Variants in EGFR observed in about 807,000 individuals in gnomAD.
EGFR encodes avian erythroblastic leukemia viral (v-erb-b) oncogene homolog.
A neutral mutation model predicts 143.0 loss-of-function variants in EGFR; 58 were observed. That is an observed-to-expected ratio of 0.41 (90% confidence interval 0.33 to 0.50). EGFR has a LOEUF of 0.50. Ranked by LOEUF, EGFR falls within the 20% of genes least tolerant of loss-of-function variation. The pLI, the probability that EGFR is intolerant of heterozygous loss-of-function variation, is 0.39. For synonymous variants in EGFR, 613 were observed against 594.4 expected, an observed-to-expected ratio of 1.03 and a Z score of -0.45; for missense variants, 1,307 against 1,579.0, an observed-to-expected ratio of 0.83 and a Z score of 2.92.
chr7:55,166,749 GT>G (rs1562777297), intron 15 of EGFR, among the ~76,000 whole-genome samples: 1 of 139,082 alleles, frequency 7.2e-6, no homozygotes, highest in East Asian at 2.4e-4. Flanking sequence ...TGATGATGGT[GT>G]TGATGGTGGT....
chr7:55,123,126 G>T (rs926859593), intron 1 of EGFR, among the ~76,000 whole-genome samples: 3 of 152,178 alleles, frequency 2.0e-5, no homozygotes, highest in African/African-American at 7.2e-5. Flanking sequence ...TGCTATAGAA[G>T]ATATTGAAAA....
intron 1 of EGFR, among the ~76,000 whole-genome samples, chr7:55,103,073 T>A (rs1407791407): frequency 6.6e-6 from 1 of 152,186 alleles, no homozygotes; most frequent in Non-Finnish European, 1.5e-5. Flanking sequence ...AAGAATAGAC[T>A]CCCCATATGG....
At chr7:55,024,803 A>T (rs1295800493) in intron 1 of EGFR, among the ~76,000 whole-genome samples, 1 of 152,184 alleles carries the variant, frequency 6.6e-6, no homozygotes, top group Admixed American at 6.5e-5. Context: ...TCAACTGGGG[A>T]AAGAGAGCTA....
intron 1 of EGFR, among the ~76,000 whole-genome samples, chr7:55,090,150 G>A (rs1468381799): frequency 1.3e-5 from 2 of 152,186 alleles, no homozygotes; most frequent in African/African-American, 4.8e-5. Flanking sequence ...TATAGTTTTA[G>A]TAGAGACAGG....
intron 27 of EGFR, 170 bp downstream of exon 27, chr7:55,202,795 C>T (rs958684463): frequency 6.9e-6 from 5 of 720,642 alleles, no homozygotes; most frequent in African/African-American, 5.2e-5. Context: ...AACACATGAC[C>T]GAGCCTGCAC....
chr7:55,170,047 G>A (rs1326297598), intron 15 of EGFR, among the ~76,000 whole-genome samples: 1 of 152,132 alleles, frequency 6.6e-6, no homozygotes, highest in Admixed American at 6.5e-5. Flanking sequence ...GGGCAGTAAC[G>A]AGGTCTCCTG....
intron 20 of EGFR, among the ~76,000 whole-genome samples, chr7:55,188,627 G>T (rs1449073718): frequency 1.3e-5 from 2 of 152,160 alleles, no homozygotes; most frequent in Non-Finnish European, 2.9e-5. Context: ...CTGAGGCTTT[G>T]TTGATATTTC....
chr7:55,116,565 G>A (rs937847771), intron 1 of EGFR, among the ~76,000 whole-genome samples: 1 of 151,442 alleles, frequency 6.6e-6, no homozygotes, highest in Non-Finnish European at 1.5e-5. Flanking sequence ...ACAAGTCAAA[G>A]GTGTGTAATT....
At chr7:55,145,413 C>T (rs951429440) in intron 3 of EGFR, among the ~76,000 whole-genome samples, 3 of 152,232 alleles carry the variant, frequency 2.0e-5, no homozygotes, top group Admixed American at 6.5e-5. Flanking sequence ...TGACCCCAAG[C>T]TTCCTTCCTC....
chr7:55,130,931 C>T (rs548068318), intron 1 of EGFR, among the ~76,000 whole-genome samples: 1 of 152,324 alleles, frequency 6.6e-6, no homozygotes, highest in African/African-American at 2.4e-5. Flanking sequence ...GTCATCACAA[C>T]ATGTGAGCAG....
rs756554871 is a variant in EGFR, at chr7:55,200,385, G to A, written c.2918G>A (p.Arg973Gln). The part of the protein sequence containing the change: ...ELIIEFSKMA[R>Q]DPQRYLVIQG... ...ATCATCGAATTCTCCAAAATGGCCCGAGACCCCCAGCGCTACCTTGTCATT... is the reference window on the plus strand; with the variant it reads ...ATCATCGAATTCTCCAAAATGGCCCAAGACCCCCAGCGCTACCTTGTCATT... Residue 973 changes from arginine to glutamine, a missense_variant, in exon 24 of 28, where the codon CGA (arginine) becomes CAA (glutamine). This residue lies in a region of EGFR where 313 missense variants were observed against 312.3 expected (regional missense o/e 1.00). Coordinates refer to ENST00000275493, the MANE Select transcript of EGFR (RefSeq NM_005228.5). The A allele has an allele frequency of 5.6e-6, 9 of 1,613,934 alleles. No individual in the cohort carries two copies. Among genetic ancestry groups the A allele is most frequent in the Admixed American group, 1.7e-5 (1 of 60,002 alleles).
In EGFR at chr7:55,146,711, C is replaced by T. The variant is rs770290445; in HGVS notation, c.530C>T (p.Ser177Leu). 9.3e-6 allele frequency: 15 copies of T among 1,613,988 alleles called. No homozygotes were observed. Among genetic ancestry groups the T allele is most frequent in the Admixed American group, 1.7e-5 (1 of 59,992 alleles). ...AGCAGTGACTTTCTCAGCAACATGTCGATGGACTTCCAGAACCACCTGGGC... is the reference window on the plus strand; with the variant it reads ...AGCAGTGACTTTCTCAGCAACATGTTGATGGACTTCCAGAACCACCTGGGC... Reference protein sequence around the residue: ...IVSSDFLSNMSMDFQNHLGSC... With the variant: ...IVSSDFLSNMLMDFQNHLGSC... Residue 177 changes from serine to leucine, a missense_variant, in exon 4 of 28, where the codon TCG becomes TTG. Coordinates refer to ENST00000275493, the MANE Select transcript of EGFR (RefSeq NM_005228.5).
intron 22 of EGFR, among the ~76,000 whole-genome samples, chr7:55,194,371 C>T (rs982849907): frequency 2.6e-5 from 4 of 151,866 alleles, no homozygotes; most frequent in East Asian, 1.9e-4. Flanking sequence ...GGATTACAGG[C>T]GCACACCACC....
intron 1 of EGFR, among the ~76,000 whole-genome samples, chr7:55,047,077 G>C (rs145343005): frequency 6.6e-6 from 1 of 152,192 alleles, no homozygotes; most frequent in South Asian, 2.1e-4. Flanking sequence ...TTACCGGTAC[G>C]ATAGGGCCAT....
At chr7:55,113,561 A>G (rs997547700) in intron 1 of EGFR, among the ~76,000 whole-genome samples, 2 of 152,142 alleles carry the variant, frequency 1.3e-5, no homozygotes, top group South Asian at 2.1e-4. Context: ...CACATTCCCA[A>G]TGTTTTGTCA....
intron 1 of EGFR, among the ~76,000 whole-genome samples, chr7:55,028,838 G>T (rs569382023): frequency 1.6e-4 from 24 of 152,276 alleles, no homozygotes; most frequent in Admixed American, 3.3e-4. Context: ...ATCCACTTTT[G>T]ATTAAGTCCA....
intron 20 of EGFR, among the ~76,000 whole-genome samples, chr7:55,185,788 C>T (rs1395596037): frequency 6.6e-6 from 1 of 152,186 alleles, no homozygotes; most frequent in African/African-American, 2.4e-5. Flanking sequence ...ACATGGCACT[C>T]TCTGACCACA....
rs1025291166 is a variant in EGFR at position 55,147,632 on chromosome 7, C to T, written c.559+892C>T. Reference sequence around the variant, plus strand: ...GGATTGTGATGAAATGCCCGTAATACAAGATTTTCCATCTTAACCATTGTA... The same window carrying T: ...GGATTGTGATGAAATGCCCGTAATATAAGATTTTCCATCTTAACCATTGTA... On this transcript the variant is annotated intron_variant, in intron 4 of 27. Transcript: ENST00000275493. Among the ~76,000 whole-genome samples the T allele has an allele frequency of 2.0e-5, 3 of 152,116 alleles. No homozygotes were observed. In the South Asian group the frequency reaches 6.2e-4, roughly 32 times the overall value.
chr7:55,180,411 T>C (rs1786805512), intron 19 of EGFR: 1 of 152,166 alleles, frequency 6.6e-6, no homozygotes, highest in South Asian at 2.1e-4. Flanking sequence ...AGCAGAAGGG[T>C]TAAAATAAAG....
Sources: allele counts gnomAD v4.1 joint callset (sites outside exome capture counted in the v4.1 genomes callset), GRCh38; gene constraint gnomAD v4.1.1; regional missense constraint gnomAD v4.1.1; transcripts MANE v1.5; gene names NCBI Gene and HGNC (gene_info 2026-07-23, HGNC 2026-07-21).